WWP1: variants seen among roughly 807,000 people sequenced by gnomAD.
The protein encoded by WWP1 is WW domain containing E3 ubiquitin protein ligase 1.
WWP1 carries 49 observed loss-of-function variants against 130.6 expected under a neutral mutation model. The observed-to-expected ratio is 0.38, with a 90% CI of 0.30 to 0.48. The LOEUF (loss-of-function observed/expected upper bound fraction) is 0.48, where lower values mean the gene tolerates loss of function less well. Among genes scored for constraint, WWP1 ranks in the 20% least tolerant of loss-of-function variants. The pLI is 0.99. For missense variants in WWP1, 809 were observed against 1,100.6 expected, an observed-to-expected ratio of 0.74 and a Z score of 3.75; for synonymous variants, 332 against 367.8, an observed-to-expected ratio of 0.90 and a Z score of 1.11.
chr8:86,367,738 T>C (rs768652790), intron 1 of WWP1, among the ~76,000 whole-genome samples: 8 of 152,202 alleles, frequency 5.3e-5, no homozygotes, highest in Non-Finnish European at 1.2e-4. Flanking sequence ...AAATTGATCA[T>C]ATAGTTTTTC....
chr8:86,466,552 T>A (rs71502657), intron 24 of WWP1, among the ~76,000 whole-genome samples: 40,486 of 149,074 alleles, frequency 0.27, 6,188 homozygotes, highest in East Asian at 0.52. Context: ...TTTTTTTTTT[T>A]AAATTTGTCT....
intron 5 of WWP1, among the ~76,000 whole-genome samples, chr8:86,390,555 G>A (rs1032102897): frequency 3.9e-5 from 6 of 152,162 alleles, no homozygotes; most frequent in African/African-American, 9.7e-5. Flanking sequence ...CCAGTCAGGC[G>A]TGGCAGCGGG....
chr8:86,466,651 ATTACTC>A, intron 24 of WWP1, 137 bp from the exon 25 acceptor site: 1 of 421,068 alleles, frequency 2.4e-6, no homozygotes, highest in Non-Finnish European at 4.1e-6. Context: ...TTAAATTTAG[ATTACTC>A]TAAATACTTC....
chr8:86,438,476 A>G, intron 16 of WWP1, 109 bp from the exon 17 acceptor site: 1 of 796,850 alleles, frequency 1.3e-6, no homozygotes. Flanking sequence ...AGCATTGTAT[A>G]AGATAAGGAA....
intron 1 of WWP1, among the ~76,000 whole-genome samples, chr8:86,351,927 G>C (rs1822954273): frequency 6.6e-6 from 1 of 151,970 alleles, no homozygotes; most frequent in Non-Finnish European, 1.5e-5. Context: ...AATATCTCAA[G>C]AGATTTTATG....
intron 9 of WWP1, among the ~76,000 whole-genome samples, chr8:86,419,475 A>G (rs966993716): frequency 2.6e-5 from 4 of 152,204 alleles, no homozygotes; most frequent in African/African-American, 9.6e-5. Context: ...AGTAGATACA[A>G]CATACATACA....
rs184059822 is a variant in WWP1, at chr8:86,409,085, A to T, written c.725-2453A>T. The stretch of plus-strand genomic sequence containing the variant: ...AATCTATTTGTCATTTTCACTACAA[A>T]TGAGTTTTACCATATTCTTTCCAAT... On this transcript the variant is annotated intron_variant, in intron 8 of 24. Transcript: ENST00000517970. 2.1e-3 allele frequency among the ~76,000 whole-genome samples: 327 copies of T among 152,134 alleles called. 4 individuals carry two copies. Among genetic ancestry groups the T allele is most frequent in the African/African-American group, 7.3e-3 (305 of 41,518 alleles).
intron 2 of WWP1, among the ~76,000 whole-genome samples, chr8:86,373,690 C>T (rs1824462734): frequency 1.3e-5 from 2 of 152,146 alleles, no homozygotes; most frequent in African/African-American, 4.8e-5. Context: ...TACGTATATG[C>T]TTCTGCCATA....
chr8:86,467,771 ACT>A lies in WWP1; in HGVS notation c.*881_*882del, dbSNP rs1281900845. On this transcript the variant is annotated 3_prime_UTR_variant, in exon 25 of 25. Coordinates refer to ENST00000517970, the MANE Select transcript of WWP1 (RefSeq NM_007013.4). ...TAGGAACATACAAAAGGTAATGTAA[ACT>A]CTGCCACTTTTTTGTGTTCAAAATT... is the stretch of plus-strand genomic sequence containing the variant. The A allele has an allele frequency of 6.6e-6, 1 of 152,112 alleles. No homozygotes were observed. Among genetic ancestry groups the A allele is most frequent in the Non-Finnish European group, 1.5e-5 (1 of 67,990 alleles). 9.4% of individuals were successfully genotyped at this position (152,112 alleles called of 1,614,324 possible).
chr8:86,381,352 A>G (rs1033878710), intron 4 of WWP1, among the ~76,000 whole-genome samples, 153 bp from the exon 5 acceptor site: 1 of 152,200 alleles, frequency 6.6e-6, no homozygotes, highest in Non-Finnish European at 1.5e-5. Context: ...TGATTCAAGT[A>G]GTTTCCTGTT....
chr8:86,420,214 C>G (rs1013605818), intron 9 of WWP1, among the ~76,000 whole-genome samples: 3 of 152,272 alleles, frequency 2.0e-5, no homozygotes, highest in South Asian at 4.1e-4. Flanking sequence ...AGACAGCACT[C>G]ACTCTAGACT....
At chr8:86,362,063 C>CATATATATATATACATATATACACACAT (rs35467457) in intron 1 of WWP1, among the ~76,000 whole-genome samples, 2 of 131,948 alleles carry the variant, frequency 1.5e-5, no homozygotes, top group African/African-American at 2.9e-5. Context: ...TATATACACA[C>CATATATATATATACATATATACACACAT]ATATATATAC....
In WWP1 at chr8:86,342,666, G is replaced by T; in HGVS notation, c.-379G>T. On this transcript the variant is annotated 5_prime_UTR_variant, in exon 1 of 25. Coordinates refer to ENST00000517970, the MANE Select transcript of WWP1 (RefSeq NM_007013.4). ...CGACGCGGCCACGCGGCGCGCTCCCGAGGAAGGGAGGTGTGGGGTCGGCTG... is the reference window on the plus strand; with the variant it reads ...CGACGCGGCCACGCGGCGCGCTCCCTAGGAAGGGAGGTGTGGGGTCGGCTG... 1 of 302,196 alleles carries T rather than the reference G, an allele frequency of 3.3e-6. No individual in the cohort carries two copies. 18.7% of individuals were successfully genotyped at this position (302,196 alleles called of 1,614,324 possible). A position where few individuals can be genotyped will look rare whatever the true frequency, so the allele number is the denominator to read the frequency against.
intron 18 of WWP1, among the ~76,000 whole-genome samples, chr8:86,446,407 A>G (rs1356394173): frequency 1.3e-5 from 2 of 151,862 alleles, no homozygotes; most frequent in Non-Finnish European, 2.9e-5. Flanking sequence ...TGTTGGATCC[A>G]TAGTTTGTGA....
intron 17 of WWP1, among the ~76,000 whole-genome samples, chr8:86,441,430 C>T (rs540137931): frequency 1.3e-5 from 2 of 152,212 alleles, no homozygotes; most frequent in East Asian, 3.8e-4. Flanking sequence ...TTTAGAAAAA[C>T]GTTTATTAAC....
At chr8:86,346,452 A>G (rs1822588075) in intron 1 of WWP1, among the ~76,000 whole-genome samples, 1 of 152,142 alleles carries the variant, frequency 6.6e-6, no homozygotes, top group Non-Finnish European at 1.5e-5. Flanking sequence ...TTCTCTGTTC[A>G]TTTATACCTT....
chr8:86,411,660 G>A lies in WWP1; in HGVS notation c.847G>A (p.Val283Ile). ...TAGTACTACTGTTGAAGATCCTCCA[G>A]TTCAAGAAATACTGACTTCCTCAGA... The part of the protein sequence containing the change: ...CTSTTVEDPP[V>I]QEILTSSENN... The change falls in exon 9 of 25, where the codon GTT (valine) becomes ATT (isoleucine). Residue 283 changes from valine (V) to isoleucine (I), a missense_variant. Val to Ile is a conservative substitution (Grantham distance 29). Coordinates refer to ENST00000517970, the MANE Select transcript of WWP1 (RefSeq NM_007013.4). 1 of 1,614,102 alleles carries A rather than the reference G, an allele frequency of 6.2e-7. No homozygotes were observed. The highest frequency in any genetic ancestry group is 2.2e-5 in the East Asian group (1 of 44,878).
chr8:86,468,077 T>C lies in WWP1; in HGVS notation c.*1184T>C. 6.1e-6 allele frequency: 1 copy of C among 163,836 alleles called. No individual in the cohort carries two copies. The highest frequency in any genetic ancestry group is 1.3e-5 in the Non-Finnish European group (1 of 75,518). The allele number at this position is 163,836 out of a possible 1,614,324, so 10.1% of individuals were successfully genotyped here. A position where few individuals can be genotyped will look rare whatever the true frequency, so the allele number is the denominator to read the frequency against. On this transcript the variant is annotated 3_prime_UTR_variant, in exon 25 of 25. Coordinates refer to ENST00000517970, the MANE Select transcript of WWP1 (RefSeq NM_007013.4). ...GTAACAAATTAAAATCTGATGTGAA[T>C]GATATTAATGCTACTTTTAGCAAAC...
chr8:86,413,659 T>C (rs141116861), intron 9 of WWP1, among the ~76,000 whole-genome samples: 42 of 152,284 alleles, frequency 2.8e-4, no homozygotes, highest in Non-Finnish European at 4.9e-4. Context: ...CTAGCACCCA[T>C]GAAAATGAGT....
Sources: allele counts gnomAD v4.1 joint callset (sites outside exome capture counted in the v4.1 genomes callset), GRCh38; gene constraint gnomAD v4.1.1; transcripts MANE v1.5; gene names NCBI Gene and HGNC (gene_info 2026-07-23, HGNC 2026-07-21).